RAB4A: variants seen among roughly 807,000 people sequenced by gnomAD.
RAB4A encodes the protein RAB4A, member RAS oncogene family, also known as ras-related protein Rab-4A.
A neutral mutation model predicts 34.5 loss-of-function variants in RAB4A; 20 were observed. The observed-to-expected ratio is 0.58, with a 90% CI of 0.41 to 0.84. The LOEUF (loss-of-function observed/expected upper bound fraction) is 0.84. Ranked by LOEUF, RAB4A falls within the 40% of genes least tolerant of loss-of-function variation. The pLI is 0.00. For synonymous variants in RAB4A, 102 were observed against 100.0 expected, an observed-to-expected ratio of 1.02 and a Z score of -0.12; for missense variants, 228 against 274.5, an observed-to-expected ratio of 0.83 and a Z score of 1.20.
intron 3 of RAB4A, among the ~76,000 whole-genome samples, chr1:229,293,537 A>AT (rs1002481586): frequency 1.3e-5 from 2 of 152,102 alleles, no homozygotes; most frequent in Non-Finnish European, 2.9e-5. Flanking sequence ...CCAAATATAT[A>AT]TTTTTTAATT....
intron 1 of RAB4A, among the ~76,000 whole-genome samples, chr1:229,280,529 CAG>C (rs990071914): frequency 9.2e-5 from 14 of 152,126 alleles, no homozygotes; most frequent in African/African-American, 3.1e-4. Context: ...AGTAAACGTA[CAG>C]AGTCATTGTC....
At chr1:229,303,089 A>T in intron 7 of RAB4A, 100 bp downstream of exon 7, 1 of 819,590 alleles carries the variant, frequency 1.2e-6, no homozygotes, top group Non-Finnish European at 1.9e-6. Flanking sequence ...AGGGGATCCC[A>T]GCCGGGTGCA....
intron 1 of RAB4A, among the ~76,000 whole-genome samples, chr1:229,275,237 A>G (rs1466314864): frequency 6.6e-6 from 1 of 152,220 alleles, no homozygotes; most frequent in Non-Finnish European, 1.5e-5. Context: ...AAACTTAGAC[A>G]CAAATGCATT....
At chr1:229,279,264 G>A (rs79848749) in intron 1 of RAB4A, among the ~76,000 whole-genome samples, 4 of 152,324 alleles carry the variant, frequency 2.6e-5, no homozygotes, top group Non-Finnish European at 1.5e-5. Flanking sequence ...AAAGCAAGAC[G>A]ATTGCTTGGG....
At chr1:229,297,765 T>C in intron 5 of RAB4A, 129 bp downstream of exon 5, 1 of 1,083,088 alleles carries the variant, frequency 9.2e-7, no homozygotes, top group Non-Finnish European at 1.3e-6. Context: ...AATTTCCAAT[T>C]GTTTTTTTCT....
intron 1 of RAB4A, among the ~76,000 whole-genome samples, chr1:229,274,581 C>G (rs960263780): frequency 2.0e-5 from 3 of 152,192 alleles, no homozygotes; most frequent in African/African-American, 7.2e-5. Flanking sequence ...TGAAACAGTT[C>G]TACCAAATGC....
rs371864841 is a variant in RAB4A, at chr1:229,296,751, C to T, written c.291-731C>T. On this transcript the variant is annotated intron_variant, in intron 4 of 7. Transcript: ENST00000366690. Reference sequence around the variant, plus strand: ...TCCAATCTGTGTCCCGGGAGCCAGGCGTTCTGAGAGGAGGAAGGCAGTTTC... The same window carrying T: ...TCCAATCTGTGTCCCGGGAGCCAGGTGTTCTGAGAGGAGGAAGGCAGTTTC... 4.6e-5 allele frequency among the ~76,000 whole-genome samples: 7 copies of T among 152,284 alleles called. No individual in the cohort carries two copies. In the East Asian group the frequency reaches 1.4e-3, roughly 29 times the overall value.
At chr1:229,293,285 CATT>C (rs1157939339) in intron 3 of RAB4A, among the ~76,000 whole-genome samples, 2 of 152,104 alleles carry the variant, frequency 1.3e-5, no homozygotes, top group Non-Finnish European at 2.9e-5. Context: ...TTGATTAAAA[CATT>C]ATCCATTGAT....
chr1:229,293,351 T>C (rs1440305822), intron 3 of RAB4A, among the ~76,000 whole-genome samples: 1 of 152,174 alleles, frequency 6.6e-6, no homozygotes, highest in Non-Finnish European at 1.5e-5. Flanking sequence ...GAGGTGAGGC[T>C]ATAAGTTCCA....
intron 1 of RAB4A, among the ~76,000 whole-genome samples, chr1:229,284,081 T>C (rs375285179): frequency 2.7e-5 from 4 of 146,030 alleles, no homozygotes; most frequent in Non-Finnish European, 6.0e-5. Flanking sequence ...TTTTTTGTTG[T>C]TGGTGTTGTT....
rs1407720261 is a variant in RAB4A at position 229,271,130 on chromosome 1, C to T, written c.-210C>T. On this transcript the variant is annotated 5_prime_UTR_variant, in exon 1 of 8. Transcript: ENST00000366690. The stretch of plus-strand genomic sequence containing the variant: ...CATCTCCTCTTCCTCCTCGCGGTCG[C>T]GGCCGGACGGAGGGTGGAGGGCCCT... 6 of 380,454 alleles carry T rather than the reference C, an allele frequency of 1.6e-5. No individual in the cohort carries two copies. Among genetic ancestry groups the T allele is most frequent in the African/African-American group, 4.2e-5 (2 of 47,264 alleles). 23.6% of individuals were successfully genotyped at this position (380,454 alleles called of 1,614,324 possible). A position where few individuals can be genotyped will look rare whatever the true frequency, so the allele number is the denominator to read the frequency against.
At chr1:229,283,963 T>G (rs1656849769) in intron 1 of RAB4A, among the ~76,000 whole-genome samples, 1 of 151,756 alleles carries the variant, frequency 6.6e-6, no homozygotes, top group African/African-American at 2.4e-5. Context: ...CTCAAACTCC[T>G]GACCTCAAGA....
At chr1:229,279,431 G>C (rs1425752401) in intron 1 of RAB4A, among the ~76,000 whole-genome samples, 1 of 152,190 alleles carries the variant, frequency 6.6e-6, no homozygotes, top group East Asian at 1.9e-4. Flanking sequence ...ATCTGCCTTT[G>C]TGCCTGTAGT....
chr1:229,303,133 G>C, intron 7 of RAB4A, 144 bp downstream of exon 7: 1 of 599,156 alleles, frequency 1.7e-6, no homozygotes, highest in Non-Finnish European at 2.9e-6. Flanking sequence ...GGAGGCTGAG[G>C]TGGGCCAGTT....
intron 4 of RAB4A, among the ~76,000 whole-genome samples, chr1:229,296,655 A>G (rs984618368): frequency 6.6e-6 from 1 of 152,118 alleles, no homozygotes; most frequent in Non-Finnish European, 1.5e-5. Flanking sequence ...TCTAAATGGC[A>G]TCATCTGGGG....
At chr1:229,293,720 G>A (rs1483034250) in intron 3 of RAB4A, among the ~76,000 whole-genome samples, 5 of 152,066 alleles carry the variant, frequency 3.3e-5, no homozygotes, top group Non-Finnish European at 7.4e-5. Flanking sequence ...GTGGGATGGT[G>A]CCACCCAGGA....
intron 1 of RAB4A, among the ~76,000 whole-genome samples, chr1:229,280,242 ACT>A (rs1377662299): frequency 1.3e-5 from 2 of 152,150 alleles, no homozygotes; most frequent in African/African-American, 2.4e-5. Context: ...AACATTGAAC[ACT>A]CTGAGAGAAC....
At chr1:229,272,748 G>T (rs964216021) in intron 1 of RAB4A, among the ~76,000 whole-genome samples, 1 of 152,130 alleles carries the variant, frequency 6.6e-6, no homozygotes, top group African/African-American at 2.4e-5. Context: ...TGTCTTGTAA[G>T]AAAAAATGGG....
chr1:229,290,454 AG>A (rs1369611561), intron 3 of RAB4A, among the ~76,000 whole-genome samples: 1 of 152,206 alleles, frequency 6.6e-6, no homozygotes, highest in Non-Finnish European at 1.5e-5. Context: ...AAAGGCTTGA[AG>A]GTAGTGACAT....
Sources: allele counts gnomAD v4.1 joint callset (sites outside exome capture counted in the v4.1 genomes callset), GRCh38; gene constraint gnomAD v4.1.1; transcripts MANE v1.5; gene names NCBI Gene and HGNC (gene_info 2026-07-23, HGNC 2026-07-21).